The following CREB5 variants were observed in gnomAD, a reference collection of about 807,000 sequenced individuals.
The protein encoded by CREB5 is cyclic AMP-responsive element-binding protein 5.
A neutral mutation model predicts 57.1 loss-of-function variants in CREB5; 19 were observed. That is an observed-to-expected ratio of 0.33 (90% CI 0.23 to 0.49). The LOEUF is 0.49. CREB5 is among the 20% of genes least tolerant of loss of function. The pLI is 0.99. For missense variants in CREB5, 579 were observed against 671.6 expected, an observed-to-expected ratio of 0.86 and a Z score of 1.52; for synonymous variants, 238 against 238.3, an observed-to-expected ratio of 1.00 and a Z score of 0.01.
intron 5 of CREB5, among the ~76,000 whole-genome samples, chr7:28,650,879 T>A (rs42322): frequency 6.6e-6 from 1 of 151,902 alleles, no homozygotes; most frequent in South Asian, 2.1e-4. Flanking sequence ...GCATATTGGA[T>A]GAAAGTTTTC....
intron 1 of CREB5, among the ~76,000 whole-genome samples, chr7:28,401,880 T>A (rs1331195824): frequency 1.3e-5 from 2 of 152,354 alleles, no homozygotes; most frequent in East Asian, 1.9e-4. Context: ...ATACATGTGC[T>A]TGTGTCTTTA....
chr7:28,805,114 G>A (rs1334909721), intron 8 of CREB5, among the ~76,000 whole-genome samples: 1 of 152,170 alleles, frequency 6.6e-6, no homozygotes, highest in Non-Finnish European at 1.5e-5. Flanking sequence ...TCATCCCCCT[G>A]AATGAGAAAT....
intron 1 of CREB5, among the ~76,000 whole-genome samples, chr7:28,414,206 T>G (rs1365211121): frequency 6.6e-6 from 1 of 152,120 alleles, no homozygotes; most frequent in Non-Finnish European, 1.5e-5. Context: ...AGTCACAAAA[T>G]TAATGTGATC....
intron 5 of CREB5, among the ~76,000 whole-genome samples, chr7:28,591,144 T>A (rs1796498465): frequency 6.6e-6 from 1 of 152,224 alleles, no homozygotes; most frequent in South Asian, 2.1e-4. Flanking sequence ...TTCCTCACCA[T>A]GTCTCTATCT....
intron 1 of CREB5, among the ~76,000 whole-genome samples, chr7:28,428,915 G>T (rs759199289): frequency 6.6e-6 from 1 of 152,120 alleles, no homozygotes; most frequent in Admixed American, 6.5e-5. Context: ...TGCCCCTTCT[G>T]CCTAGACCAT....
At chr7:28,618,666 G>A (rs1797681072) in intron 5 of CREB5, among the ~76,000 whole-genome samples, 1 of 152,178 alleles carries the variant, frequency 6.6e-6, no homozygotes, top group Non-Finnish European at 1.5e-5. Context: ...GTCTCAGCAG[G>A]CATGATCTCT....
intron 5 of CREB5, among the ~76,000 whole-genome samples, chr7:28,619,411 T>A (rs954682998): frequency 1.3e-5 from 2 of 152,220 alleles, no homozygotes; most frequent in African/African-American, 4.8e-5. Context: ...TCTTCTCTTT[T>A]ATTGGCCTGT....
chr7:28,486,805 A>C (rs1010097475), intron 1 of CREB5, among the ~76,000 whole-genome samples: 3 of 150,556 alleles, frequency 2.0e-5, no homozygotes, highest in African/African-American at 7.3e-5. Context: ...TAAGGTATGC[A>C]CCTTAGAATT....
intron 4 of CREB5, among the ~76,000 whole-genome samples, chr7:28,565,385 A>T (rs1795435122): frequency 6.6e-6 from 1 of 152,236 alleles, no homozygotes; most frequent in South Asian, 2.1e-4. Flanking sequence ...ACAGAAGGTC[A>T]TATCTGTACC....
At chr7:28,510,851 C>T (rs182378711) in intron 4 of CREB5, among the ~76,000 whole-genome samples, 1 of 152,154 alleles carries the variant, frequency 6.6e-6, no homozygotes, top group African/African-American at 2.4e-5. Flanking sequence ...GAATTGTTTC[C>T]CCTTAGAAAA....
intron 1 of CREB5, among the ~76,000 whole-genome samples, chr7:28,356,319 G>T (rs1786341727): frequency 6.6e-6 from 1 of 152,204 alleles, no homozygotes; most frequent in Admixed American, 6.5e-5. Flanking sequence ...AATGAAGTGG[G>T]TATGTATTTG....
At chr7:28,373,080 A>G (rs1786745254) in intron 1 of CREB5, among the ~76,000 whole-genome samples, 1 of 152,190 alleles carries the variant, frequency 6.6e-6, no homozygotes, top group Non-Finnish European at 1.5e-5. Flanking sequence ...TGTTAAATGC[A>G]GCGTCTGGAC....
In CREB5 at chr7:28,443,280, T is replaced by C. The variant is rs145692043; in HGVS notation, c.3+30363T>C. On this transcript the variant is annotated intron_variant, in intron 1 of 10. Coordinates refer to ENST00000357727, the MANE Select transcript of CREB5 (RefSeq NM_182898.4). ...GTGGCTGCTGAACATGCAGGGAGTT[T>C]ACATTATGGCTGAAGAACTCTGGGC... Among the ~76,000 whole-genome samples the C allele has an allele frequency of 2.5e-3, 378 of 152,302 alleles. 1 individual carries two copies. Among genetic ancestry groups the C allele is most frequent in the Middle Eastern group, 0.014 (4 of 294 alleles).
At chr7:28,520,420 C>T (rs1282933430) in intron 4 of CREB5, among the ~76,000 whole-genome samples, 1 of 152,182 alleles carries the variant, frequency 6.6e-6, no homozygotes, top group Non-Finnish European at 1.5e-5. Context: ...ATTCTCCTTT[C>T]CTATCCGTGG....
intron 7 of CREB5, among the ~76,000 whole-genome samples, chr7:28,761,491 T>A (rs577434198): frequency 5.3e-5 from 8 of 152,146 alleles, no homozygotes; most frequent in Non-Finnish European, 1.2e-4. Flanking sequence ...GGGGGCAACT[T>A]TTTAGCTACA....
intron 7 of CREB5, among the ~76,000 whole-genome samples, chr7:28,795,891 T>C (rs1808011656): frequency 6.6e-6 from 1 of 151,870 alleles, no homozygotes; most frequent in Admixed American, 6.6e-5. Flanking sequence ...GTAGCTGGGA[T>C]TATGGGCGCT....
At chr7:28,516,888 G>C (rs546290433) in intron 4 of CREB5, among the ~76,000 whole-genome samples, 21 of 152,180 alleles carry the variant, frequency 1.4e-4, no homozygotes, top group Non-Finnish European at 2.9e-4. Context: ...TTCCAGCTGT[G>C]AGTAATTCAG....
chr7:28,518,315 AAAG>A (rs1398960253), intron 4 of CREB5, among the ~76,000 whole-genome samples: 1 of 152,204 alleles, frequency 6.6e-6, no homozygotes, highest in Non-Finnish European at 1.5e-5. Flanking sequence ...TCACTTCCCC[AAAG>A]AAGAAAAGCA....
At chr7:28,359,347 A>G (rs1364362185) in intron 1 of CREB5, among the ~76,000 whole-genome samples, 1 of 152,116 alleles carries the variant, frequency 6.6e-6, no homozygotes, top group African/African-American at 2.4e-5. Context: ...AACTTGTCTT[A>G]CCTCCCCTAT....
Sources: allele counts gnomAD v4.1 joint callset (sites outside exome capture counted in the v4.1 genomes callset), GRCh38; gene constraint gnomAD v4.1.1; transcripts MANE v1.5; gene names NCBI Gene and HGNC (gene_info 2026-07-23, HGNC 2026-07-21).